Variants in PDZK1 observed in about 807,000 individuals in gnomAD.
PDZK1 encodes the protein PDZ domain containing 1.
Under a neutral mutation model 38.1 loss-of-function variants are expected in PDZK1, and 23 were observed. That is an observed-to-expected ratio of 0.60 (90% CI 0.43 to 0.85). The LOEUF is 0.85. Ranked by LOEUF, PDZK1 falls within the 40% of genes least tolerant of loss-of-function variation. The pLI, the probability that PDZK1 is intolerant of heterozygous loss-of-function variation, is 0.00. For synonymous variants in PDZK1, 98 were observed against 186.2 expected, an observed-to-expected ratio of 0.53 and a Z score of 3.86; for missense variants, 297 against 504.3, an observed-to-expected ratio of 0.59 and a Z score of 3.94.
At chr1:145,697,015 T>C (rs1655665961) in intron 1 of PDZK1, among the ~76,000 whole-genome samples, 1 of 152,094 alleles carries the variant, frequency 6.6e-6, no homozygotes, top group African/African-American at 2.4e-5. Context: ...AATACCTGTA[T>C]CTAAGTGATA....
intron 2 of PDZK1, 137 bp downstream of exon 2, chr1:145,687,675 C>T: frequency 1.4e-6 from 1 of 703,816 alleles, no homozygotes; most frequent in Non-Finnish European, 2.5e-6. Flanking sequence ...ACACAAGGTA[C>T]AGCAATAAAG....
At chr1:145,692,182 C>T (rs1655277008) in intron 1 of PDZK1, among the ~76,000 whole-genome samples, 2 of 152,102 alleles carry the variant, frequency 1.3e-5, no homozygotes, top group African/African-American at 4.8e-5. Flanking sequence ...AGAACTAAAG[C>T]CACTGGTCTA....
chr1:145,690,126 ACAC>A (rs1553702858), intron 1 of PDZK1, among the ~76,000 whole-genome samples: 1 of 152,130 alleles, frequency 6.6e-6, no homozygotes, highest in Non-Finnish European at 1.5e-5. Flanking sequence ...TGCCAGGAAA[ACAC>A]CACTCTGGGA....
At chr1:145,697,620 G>C (rs1655699610) in intron 1 of PDZK1, among the ~76,000 whole-genome samples, 1 of 151,950 alleles carries the variant, frequency 6.6e-6, no homozygotes, top group South Asian at 2.1e-4. Flanking sequence ...TATTTTTTGA[G>C]ACAGTCTCGC....
intron 1 of PDZK1, among the ~76,000 whole-genome samples, chr1:145,694,354 C>G (rs1350861114): frequency 1.3e-5 from 2 of 152,196 alleles, no homozygotes; most frequent in African/African-American, 4.8e-5. Context: ...CTTTCCCAAA[C>G]AATTAGTTTC....
rs587616960 is a variant in PDZK1 at position 145,674,712 on chromosome 1, C to T, written c.991-831G>A. Among the ~76,000 whole-genome samples, 120 of 152,190 alleles carry T rather than the reference C, an allele frequency of 7.9e-4. 1 individual carries two copies. Among genetic ancestry groups the T allele is most frequent in the African/African-American group, 2.8e-3 (117 of 41,516 alleles). ...GCTCAGTCAGATTTGGACGGAGCCA[C>T]ACTACTGGCATCCCAGGGTCTCAAG... On this transcript the variant is annotated intron_variant, in intron 6 of 8. Transcript: ENST00000417171.
At chr1:145,700,280 C>G (rs587650075) in intron 1 of PDZK1, among the ~76,000 whole-genome samples, 2 of 152,250 alleles carry the variant, frequency 1.3e-5, no homozygotes, top group Non-Finnish European at 2.9e-5. Flanking sequence ...TCCTGTAAGT[C>G]TAAAAGCCAG....
rs587690765 is a variant in PDZK1 at position 145,696,022 on chromosome 1, C to T, written c.-2-7999G>A. Reference sequence around the variant, plus strand: ...AGCACCCAGTGTCAGGGCCCACAGGCTCCTGCCACTCTTCCTAATGATGGC... The same window carrying T: ...AGCACCCAGTGTCAGGGCCCACAGGTTCCTGCCACTCTTCCTAATGATGGC... On this transcript the variant is annotated intron_variant, in intron 1 of 8. Transcript: ENST00000417171. Among the ~76,000 whole-genome samples the T allele has an allele frequency of 7.2e-5, 11 of 152,330 alleles. No individual in the cohort carries two copies. The South Asian group carries it at 2.1e-3, about 29-fold the overall frequency.
chr1:145,682,113 T>C (rs1654325408), intron 4 of PDZK1, among the ~76,000 whole-genome samples: 1 of 74,918 alleles, frequency 1.3e-5, no homozygotes, highest in Non-Finnish European at 2.5e-5. Context: ...GAAGCTGAGG[T>C]AGAAGAATCA....
At chr1:145,683,367 A>G (rs1162006119) in intron 3 of PDZK1, among the ~76,000 whole-genome samples, 2 of 152,204 alleles carry the variant, frequency 1.3e-5, no homozygotes, top group East Asian at 1.9e-4. Context: ...ACACTGCATT[A>G]TTGTGTCATA....
intron 6 of PDZK1, among the ~76,000 whole-genome samples, chr1:145,674,859 A>G (rs587665598): frequency 3.9e-5 from 6 of 152,246 alleles, no homozygotes; most frequent in African/African-American, 1.4e-4. Flanking sequence ...GGAGAATGTT[A>G]ATATAACACT....
intron 1 of PDZK1, among the ~76,000 whole-genome samples, chr1:145,688,433 G>A (rs1654983833): frequency 6.6e-6 from 1 of 152,156 alleles, no homozygotes; most frequent in Admixed American, 6.5e-5. Flanking sequence ...CTGTAGACAA[G>A]ATGGACCCAT....
intron 2 of PDZK1, among the ~76,000 whole-genome samples, chr1:145,687,524 CAAAAA>C (rs11420111): frequency 1.5e-5 from 1 of 64,622 alleles, no homozygotes; most frequent in African/African-American, 6.4e-5. Context: ...AACTCCATCT[CAAAAA>C]AAAAAAAAAA....
chr1:145,688,106 T>C lies in PDZK1; in HGVS notation c.-2-83A>G. On this transcript the variant is annotated intron_variant, in intron 1 of 8. Transcript: ENST00000417171. ...GAACCCCATCCTCCATCTCCTATAA[T>C]TCTGTTCTTCCAATCACCAAATCTA... is the stretch of plus-strand genomic sequence containing the variant. 9 of 1,202,952 alleles carry C rather than the reference T, an allele frequency of 7.5e-6. 1 individual carries two copies. In the South Asian group the frequency reaches 1.1e-4, roughly 15 times the overall value. 74.5% of individuals were successfully genotyped at this position (1,202,952 alleles called of 1,614,324 possible).
chr1:145,696,492 C>T (rs1488044617), intron 1 of PDZK1, among the ~76,000 whole-genome samples: 1 of 152,180 alleles, frequency 6.6e-6, no homozygotes, highest in Non-Finnish European at 1.5e-5. Flanking sequence ...CCTAATTCAA[C>T]AGGACTGATG....
At chr1:145,701,149 G>A (rs1482656463) in intron 1 of PDZK1, among the ~76,000 whole-genome samples, 2 of 151,670 alleles carry the variant, frequency 1.3e-5, no homozygotes, top group African/African-American at 2.4e-5. Flanking sequence ...AGGTTGCAGT[G>A]AGCCAAGATA....
chr1:145,688,542 A>C (rs1161767652), intron 1 of PDZK1, among the ~76,000 whole-genome samples: 1 of 152,176 alleles, frequency 6.6e-6, no homozygotes, highest in Admixed American at 6.5e-5. Context: ...GGAAAATAAC[A>C]AAGGGTCTTG....
At chr1:145,698,433 C>A (rs1446227232) in intron 1 of PDZK1, among the ~76,000 whole-genome samples, 2 of 152,118 alleles carry the variant, frequency 1.3e-5, no homozygotes, top group Admixed American at 6.5e-5. Flanking sequence ...AGACAGTGAA[C>A]TAATGGCCAC....
At chr1:145,689,916 A>T (rs1186916840) in intron 1 of PDZK1, among the ~76,000 whole-genome samples, 1 of 152,104 alleles carries the variant, frequency 6.6e-6, no homozygotes, top group Admixed American at 6.5e-5. Context: ...GCCCAATACC[A>T]GGCCTCTCCT....
Sources: allele counts gnomAD v4.1 joint callset (sites outside exome capture counted in the v4.1 genomes callset), GRCh38; gene constraint gnomAD v4.1.1; transcripts MANE v1.5; gene names NCBI Gene and HGNC (gene_info 2026-07-23, HGNC 2026-07-21).